The following RP9 variants were observed in gnomAD, a reference collection of about 807,000 sequenced individuals.
RP9 encodes the protein RP9 pre-mRNA splicing factor, also known as retinitis pigmentosa 9 protein.
In RP9, 23 loss-of-function variants were observed where a neutral mutation model predicts 32.6. That is an observed-to-expected ratio of 0.71 (90% CI 0.51 to 1.00). The LOEUF (loss-of-function observed/expected upper bound fraction) is 1.00. Among genes scored for constraint, RP9 ranks in the 50% least tolerant of loss-of-function variants. The pLI, the probability that RP9 is intolerant of heterozygous loss-of-function variation, is 0.00. For missense variants in RP9, 245 were observed against 285.3 expected (o/e 0.86, Z 1.02); for synonymous variants, 94 against 103.6 (o/e 0.91, Z 0.56).
At chr7:33,098,471 T>A (rs958625553) in intron 3 of RP9, among the ~76,000 whole-genome samples, 1 of 152,078 alleles carries the variant, frequency 6.6e-6, no homozygotes, top group African/African-American at 2.4e-5. Flanking sequence ...ATCAGGTAGG[T>A]CTGAAGGAAG....
chr7:33,099,612 A>AAAAAC (rs770528384), intron 2 of RP9, among the ~76,000 whole-genome samples, 176 bp from the exon 3 acceptor site: 13 of 152,216 alleles, frequency 8.5e-5, no homozygotes, highest in Admixed American at 5.2e-4. Context: ...ACAGGAAACA[A>AAAAAC]ATGTACCAGA....
intron 3 of RP9, among the ~76,000 whole-genome samples, chr7:33,097,681 G>A (rs1260405504): frequency 2.6e-5 from 4 of 151,936 alleles, no homozygotes; most frequent in Admixed American, 6.6e-5. Context: ...GTGCAGTGGC[G>A]TGATCTCAGC....
At chr7:33,102,469 G>A (rs1421988443) in intron 1 of RP9, among the ~76,000 whole-genome samples, 2 of 152,124 alleles carry the variant, frequency 1.3e-5, no homozygotes, top group Non-Finnish European at 2.9e-5. Flanking sequence ...GATCCACCGT[G>A]TCCAGCTGCA....
chr7:33,099,433 C>T lies in RP9; in HGVS notation c.187G>A (p.Asp63Asn). 6.2e-7 allele frequency: 1 copy of T among 1,613,536 alleles called. No homozygotes were observed. The highest frequency in any genetic ancestry group is 8.5e-7 in the Non-Finnish European group (1 of 1,179,978). The change falls in exon 3 of 6, where the codon GAT (aspartate) becomes AAT (asparagine). Residue 63 changes from aspartate (D) to asparagine (N), a missense_variant. Asp to Asn is a conservative substitution (Grantham distance 23, BLOSUM62 1). Coordinates refer to ENST00000297157, the MANE Select transcript of RP9 (RefSeq NM_203288.2). ...ATGCAATCTTCTGGCTTAGTCTCAT[C>T]TTCCTAAAAAAGGGAACAGGTATAA... ...EKPPPGLIKE[D>N]ETKPEDCIPD...
At position 33,109,098 on chromosome 7, in the gene RP9, C is replaced by A; in HGVS notation, c.152+123G>T. The A allele has an allele frequency of 7.5e-7, 1 of 1,337,362 alleles. No homozygotes were observed. Among genetic ancestry groups the A allele is most frequent in the South Asian group, 1.7e-5 (1 of 58,430 alleles). 82.8% of individuals were successfully genotyped at this position (1,337,362 alleles called of 1,614,324 possible). The stretch of plus-strand genomic sequence containing the variant: ...CGCCCGCACCAGGCTCCTGCCGGGC[C>A]CAGCCCCCCTGCCTGCTCGCGGGGG... On this transcript the variant is annotated intron_variant, in intron 1 of 5. Coordinates refer to ENST00000297157, the MANE Select transcript of RP9 (RefSeq NM_203288.2). This position sits in a 1 kb window ranked among gnomAD's most constrained non-coding sequence, Gnocchi z 4.9.
chr7:33,099,292 C>G lies in RP9; in HGVS notation c.313+15G>C, dbSNP rs1411285655. 1 of 1,612,322 alleles carries G rather than the reference C, an allele frequency of 6.2e-7. No homozygotes were observed. Among genetic ancestry groups the G allele is most frequent in the Non-Finnish European group, 8.5e-7 (1 of 1,179,950 alleles). ...ATGTAAGTTGCATGGATTAGGGAAA[C>G]TCTCCCACACTCACACTGCATAACT... is the stretch of plus-strand genomic sequence containing the variant. On this transcript the variant is annotated intron_variant, in intron 3 of 5. Coordinates refer to ENST00000297157, the MANE Select transcript of RP9 (RefSeq NM_203288.2).
chr7:33,100,926 T>G (rs190243169), intron 1 of RP9: 3 of 401,372 alleles, frequency 7.5e-6, no homozygotes, highest in Non-Finnish European at 1.4e-5. Context: ...CTAAAGCAAT[T>G]TGTACCTCCT....
chr7:33,097,828 C>T (rs1232609877), intron 3 of RP9, among the ~76,000 whole-genome samples: 1 of 152,064 alleles, frequency 6.6e-6, no homozygotes, highest in African/African-American at 2.4e-5. Flanking sequence ...CCATGTTGCC[C>T]AGGCTGGTCT....
chr7:33,100,510 G>A (rs1439575540), intron 2 of RP9, 21 bp downstream of exon 2: 13 of 1,604,266 alleles, frequency 8.1e-6, no homozygotes, highest in Non-Finnish European at 1.1e-5. Flanking sequence ...GAATAACCAA[G>A]AGTACAAACT....
At chr7:33,106,083 A>T (rs1010077644) in intron 1 of RP9, among the ~76,000 whole-genome samples, 2 of 152,242 alleles carry the variant, frequency 1.3e-5, no homozygotes, top group Non-Finnish European at 2.9e-5. Context: ...CTTAAAAGTT[A>T]ACAATAGTAT....
intron 1 of RP9, among the ~76,000 whole-genome samples, chr7:33,103,247 G>A: frequency 6.6e-6 from 1 of 152,140 alleles, no homozygotes; most frequent in East Asian, 1.9e-4. Flanking sequence ...ACTTGAAGGA[G>A]GCTGCAGGGT....
intron 2 of RP9, 92 bp from the exon 3 acceptor site, chr7:33,099,528 G>A: frequency 1.4e-6 from 2 of 1,412,116 alleles, no homozygotes; most frequent in Non-Finnish European, 2.0e-6. Context: ...CTTTTTCCTG[G>A]GCTTCCGGTG....
At chr7:33,099,244 A>G in intron 3 of RP9, 63 bp downstream of exon 3, 1 of 1,574,356 alleles carries the variant, frequency 6.4e-7, no homozygotes, top group Non-Finnish European at 8.7e-7. Context: ...TAAAAGAAGT[A>G]AACACTCTTT....
intron 3 of RP9, among the ~76,000 whole-genome samples, chr7:33,097,874 C>G (rs1788364040): frequency 6.6e-6 from 1 of 152,148 alleles, no homozygotes. Context: ...CCCGCCTCAG[C>G]CTCCCAAAGT....
At chr7:33,096,648 T>A (rs956109067) in intron 4 of RP9, 94 bp from the exon 5 acceptor site, 29 of 891,350 alleles carry the variant, frequency 3.3e-5, no homozygotes, top group African/African-American at 8.2e-5. Flanking sequence ...CAGTTTATTT[T>A]TTTTTTTACT....
At chr7:33,108,045 TATAAC>T (rs1309704885) in intron 1 of RP9, among the ~76,000 whole-genome samples, 1 of 152,228 alleles carries the variant, frequency 6.6e-6, no homozygotes. Context: ...CTCAGGTACT[TATAAC>T]AGTAGGTTAC....
intron 1 of RP9, among the ~76,000 whole-genome samples, chr7:33,107,027 G>A (rs967025761): frequency 6.6e-6 from 1 of 152,194 alleles, no homozygotes; most frequent in Non-Finnish European, 1.5e-5. Context: ...TTGGGAGGGG[G>A]AAGAGGGACA....
intron 1 of RP9, among the ~76,000 whole-genome samples, chr7:33,105,602 T>C (rs545093438): frequency 2.0e-5 from 3 of 152,242 alleles, no homozygotes; most frequent in African/African-American, 4.8e-5. Context: ...GAGGTGGCCA[T>C]AAAAACATGA....
chr7:33,104,088 AAT>A (rs1788465958), intron 1 of RP9, among the ~76,000 whole-genome samples: 1 of 152,306 alleles, frequency 6.6e-6, no homozygotes, highest in South Asian at 2.1e-4. Flanking sequence ...AAATATAACA[AAT>A]ATGTTTAGTA....
Sources: gnomAD v4.1 joint callset for allele counts (sites outside exome capture counted in the v4.1 genomes callset) on GRCh38, gnomAD v4.1.1 for gene constraint, Gnocchi (gnomAD v3.1) non-coding constraint, MANE v1.5 for transcripts, NCBI Gene and HGNC (gene_info 2026-07-23, HGNC 2026-07-21) for gene names.